RFX7: variants seen among roughly 807,000 people sequenced by gnomAD.
RFX7 encodes regulatory factor X7, also known as DNA-binding protein RFX7.
A neutral mutation model predicts 111.8 loss-of-function variants in RFX7; 26 were observed. The observed-to-expected ratio is 0.23, with a 90% CI of 0.17 to 0.32. The LOEUF (loss-of-function observed/expected upper bound fraction) is 0.32. Among genes scored for constraint, RFX7 ranks in the 10% least tolerant of loss-of-function variants. The pLI is 1.00. For missense variants in RFX7, 1,573 were observed against 1,772.9 expected (o/e 0.89, Z 2.02); for synonymous variants, 624 against 624.4 (o/e 1.00, Z 0.01).
intron 2 of RFX7, among the ~76,000 whole-genome samples, chr15:56,224,747 A>G (rs2043464119): frequency 6.6e-6 from 1 of 152,006 alleles, no homozygotes; most frequent in Non-Finnish European, 1.5e-5. Context: ...TTGTTCTGAG[A>G]TGTCTTCTAC....
intron 2 of RFX7, chr15:56,189,734 T>C (rs1356365169): frequency 3.9e-5 from 6 of 152,118 alleles, no homozygotes; most frequent in African/African-American, 9.7e-5. Flanking sequence ...AACCCAAATA[T>C]TGGCAAGGCT....
At chr15:56,135,539 T>C (rs1490435065) in intron 5 of RFX7, among the ~76,000 whole-genome samples, 16 of 151,200 alleles carry the variant, frequency 1.1e-4, no homozygotes, top group Admixed American at 5.3e-4. Flanking sequence ...GAGTAGGTTG[T>C]GAAAATTTTC....
intron 2 of RFX7, among the ~76,000 whole-genome samples, chr15:56,215,565 A>T (rs1199629257): frequency 6.6e-6 from 1 of 152,100 alleles, no homozygotes; most frequent in East Asian, 1.9e-4. Context: ...TGTTATTACC[A>T]TTTTTATACA....
chr15:56,164,282 C>T (rs942476389), intron 3 of RFX7, among the ~76,000 whole-genome samples: 1 of 152,176 alleles, frequency 6.6e-6, no homozygotes, highest in Non-Finnish European at 1.5e-5. Flanking sequence ...TCAAGTTTAG[C>T]CCTTCTGGTC....
intron 5 of RFX7, among the ~76,000 whole-genome samples, chr15:56,126,710 G>A (rs115092451): frequency 6.6e-6 from 1 of 152,010 alleles, no homozygotes; most frequent in Non-Finnish European, 1.5e-5. Flanking sequence ...AAAAGAACCA[G>A]AAAAGATAAA....
At chr15:56,106,818 C>T (rs2041835967) in intron 5 of RFX7, among the ~76,000 whole-genome samples, 1 of 152,118 alleles carries the variant, frequency 6.6e-6, no homozygotes, top group South Asian at 2.1e-4. Context: ...AACCATTGGT[C>T]ATTCCAGGCC....
At chr15:56,102,078 G>T in intron 7 of RFX7, 91 bp downstream of exon 7, 1 of 936,794 alleles carries the variant, frequency 1.1e-6, no homozygotes, top group Non-Finnish European at 1.6e-6. Flanking sequence ...ACAGTCGCTA[G>T]GCTTAACCAA....
At chr15:56,236,132 C>T (rs1243950021) in intron 2 of RFX7, among the ~76,000 whole-genome samples, 1 of 152,014 alleles carries the variant, frequency 6.6e-6, no homozygotes, top group Non-Finnish European at 1.5e-5. Context: ...GTAATAGATG[C>T]CTGATAGAGA....
At chr15:56,225,929 C>CT (rs1329260457) in intron 2 of RFX7, among the ~76,000 whole-genome samples, 3 of 152,046 alleles carry the variant, frequency 2.0e-5, no homozygotes, top group African/African-American at 7.2e-5. Context: ...AGACACAATA[C>CT]TTTTATAAAT....
At chr15:56,210,703 C>T (rs537330680) in intron 2 of RFX7, among the ~76,000 whole-genome samples, 64 of 151,922 alleles carry the variant, frequency 4.2e-4, no homozygotes, top group Admixed American at 2.9e-3. Flanking sequence ...CTAAATAACG[C>T]GTAAGTCAAA....
Position 56,243,558 on chromosome 15 carries a change from C to T in RFX7, c.-116G>A. 2 of 968,732 alleles carry T rather than the reference C, an allele frequency of 2.1e-6. No homozygotes were observed. The highest frequency in any genetic ancestry group is 4.8e-5 in the South Asian group (1 of 20,914). The allele number at this position is 968,732 out of a possible 1,614,324, so 60.0% of individuals were successfully genotyped here. A position where few individuals can be genotyped will look rare whatever the true frequency, so the allele number is the denominator to read the frequency against. On this transcript the variant is annotated 5_prime_UTR_variant, in exon 1 of 10. Transcript: ENST00000559447. Reference sequence around the variant, plus strand: ...GCGGGAGAGGCATGGCGGCGCCCCTCAGCCCCCCGCTGGCGCCGCCGCCTC... The same window carrying T: ...GCGGGAGAGGCATGGCGGCGCCCCTTAGCCCCCCGCTGGCGCCGCCGCCTC...
chr15:56,093,805 A>G lies in RFX7; in HGVS notation c.3923T>C (p.Val1308Ala). 1 of 1,613,926 alleles carries G rather than the reference A, an allele frequency of 6.2e-7. No individual in the cohort carries two copies. The highest frequency in any genetic ancestry group is 8.5e-7 in the Non-Finnish European group (1 of 1,179,866). The change falls in exon 10 of 10, where the codon GTT (valine) becomes GCT (alanine). Residue 1308 changes from valine (V) to alanine (A), a missense_variant. Physicochemically the swap from Val to Ala is moderately conservative, Grantham distance 64. Around this residue, in one of 7 missense-constraint regions of RFX7, gnomAD observed 411 missense variants for 478.1 expected, o/e 0.86. Transcript: ENST00000559447. The stretch of plus-strand genomic sequence containing the variant: ...GTAAGATGGTGTTTGGAACTCATAA[A>G]CAGAAGTGCTGGAATCGATCATATT... ...PQNMIDSSTS[V>A]YEFQTPSYLT...
chr15:56,195,951 C>T (rs1269160415), intron 2 of RFX7, among the ~76,000 whole-genome samples: 4 of 152,046 alleles, frequency 2.6e-5, no homozygotes, highest in African/African-American at 9.7e-5. Context: ...ACATAGGATG[C>T]TATAAAGATT....
chr15:56,234,183 C>A (rs376247441), intron 2 of RFX7, among the ~76,000 whole-genome samples: 1 of 152,172 alleles, frequency 6.6e-6, no homozygotes, highest in Non-Finnish European at 1.5e-5. Flanking sequence ...ACTGCTTATA[C>A]GCCATTATTG....
chr15:56,113,789 A>C (rs1251756752), intron 5 of RFX7, among the ~76,000 whole-genome samples: 3 of 152,200 alleles, frequency 2.0e-5, no homozygotes, highest in African/African-American at 7.2e-5. Flanking sequence ...AGGACTCTTA[A>C]GACTTACCTA....
At position 56,166,689 on chromosome 15, in the gene RFX7, G is replaced by A. The variant is rs545239211; in HGVS notation, c.195+12581C>T. Among the ~76,000 whole-genome samples, 120 of 152,250 alleles carry A rather than the reference G, an allele frequency of 7.9e-4. 1 individual carries two copies. The highest frequency in any genetic ancestry group is 2.7e-3 in the African/African-American group (114 of 41,532). On this transcript the variant is annotated intron_variant, in intron 3 of 9. Transcript: ENST00000559447. ...ACTGCACAAATAAGGTTGATGACAT[G>A]TAGCAGCTGATAAAGCATTTAAGAC...
chr15:56,146,005 A>G (rs1267343307), intron 3 of RFX7, among the ~76,000 whole-genome samples: 1 of 152,158 alleles, frequency 6.6e-6, no homozygotes, highest in African/African-American at 2.4e-5. Flanking sequence ...ACTTTTAATG[A>G]CACTTAAATT....
At chr15:56,191,163 T>A (rs1196155358) in intron 2 of RFX7, among the ~76,000 whole-genome samples, 1 of 152,208 alleles carries the variant, frequency 6.6e-6, no homozygotes, top group Non-Finnish European at 1.5e-5. Context: ...CCTGGTTCTC[T>A]CTGACAGGCA....
intron 2 of RFX7, among the ~76,000 whole-genome samples, chr15:56,199,479 C>A (rs1002727596): frequency 4.6e-5 from 7 of 152,136 alleles, no homozygotes; most frequent in Non-Finnish European, 1.0e-4. Context: ...AATTGTGCTG[C>A]TCTCTTTAGC....
Sources: allele counts gnomAD v4.1 joint callset (sites outside exome capture counted in the v4.1 genomes callset), GRCh38; gene constraint gnomAD v4.1.1; regional missense constraint gnomAD v4.1.1; transcripts MANE v1.5; gene names NCBI Gene and HGNC (gene_info 2026-07-23, HGNC 2026-07-21).